Variants in ZNF385B observed in about 807,000 individuals in gnomAD.
ZNF385B encodes the protein zinc finger protein 533.
Under a neutral mutation model 39.2 loss-of-function variants are expected in ZNF385B, and 23 were observed. The ratio of observed to expected loss-of-function variants is 0.59; its 90% confidence interval spans 0.42 to 0.83. The LOEUF is 0.83. ZNF385B is among the 40% of genes least tolerant of loss of function. The pLI is 0.00. For synonymous variants in ZNF385B, 205 were observed against 222.6 expected (o/e 0.92, Z 0.70); for missense variants, 552 against 598.9 (o/e 0.92, Z 0.82).
chr2:179,736,828 G>C (rs1393754639), intron 3 of ZNF385B, among the ~76,000 whole-genome samples: 1 of 152,082 alleles, frequency 6.6e-6, no homozygotes. Flanking sequence ...AAATTAGCCA[G>C]GCATGGTGGT....
chr2:179,797,142 T>G (rs574169887), intron 1 of ZNF385B, among the ~76,000 whole-genome samples: 139 of 152,248 alleles, frequency 9.1e-4, no homozygotes, highest in African/African-American at 2.9e-3. Flanking sequence ...TAATACAACC[T>G]CTGAGGTCCA....
chr2:179,494,366 G>A (rs746059054), intron 5 of ZNF385B, among the ~76,000 whole-genome samples: 1 of 152,150 alleles, frequency 6.6e-6, no homozygotes, highest in African/African-American at 2.4e-5. Context: ...CCAACCATGT[G>A]TGTACAGTGG....
At chr2:179,722,600 T>A (rs1173177744) in intron 3 of ZNF385B, among the ~76,000 whole-genome samples, 2 of 152,100 alleles carry the variant, frequency 1.3e-5, no homozygotes, top group Non-Finnish European at 2.9e-5. Flanking sequence ...AATTCAAGAT[T>A]TAAAGCCAAA....
At chr2:179,489,565 C>T (rs1383558711) in intron 5 of ZNF385B, among the ~76,000 whole-genome samples, 1 of 152,088 alleles carries the variant, frequency 6.6e-6, no homozygotes, top group African/African-American at 2.4e-5. Context: ...TACTAAGAAA[C>T]TAAAGTTTTC....
intron 3 of ZNF385B, among the ~76,000 whole-genome samples, chr2:179,554,962 T>C (rs1418761404): frequency 2.0e-5 from 3 of 149,318 alleles, no homozygotes; most frequent in African/African-American, 7.6e-5. Context: ...GCTGAATATA[T>C]AAATACCCTA....
intron 3 of ZNF385B, among the ~76,000 whole-genome samples, chr2:179,760,223 C>CGCACGTGT (rs11282329): frequency 6.9e-6 from 1 of 144,476 alleles, no homozygotes; most frequent in East Asian, 2.0e-4. Flanking sequence ...TTCCTGTGTG[C>CGCACGTGT]GTGTGTGTGT....
At chr2:179,509,804 C>T (rs2105769892) in intron 5 of ZNF385B, among the ~76,000 whole-genome samples, 1 of 152,300 alleles carries the variant, frequency 6.6e-6, no homozygotes, top group South Asian at 2.1e-4. Flanking sequence ...TACTGCTGAA[C>T]AGCAGATGTA....
chr2:179,599,762 A>C (rs1245873504), intron 3 of ZNF385B, among the ~76,000 whole-genome samples: 2 of 152,228 alleles, frequency 1.3e-5, no homozygotes, highest in Admixed American at 1.3e-4. Flanking sequence ...AGAACCAAGC[A>C]GTCTCTTGAA....
At chr2:179,486,915 C>CA (rs201589980) in intron 5 of ZNF385B, among the ~76,000 whole-genome samples, 459 of 150,314 alleles carry the variant, frequency 3.1e-3, no homozygotes, top group Non-Finnish European at 5.0e-3. Flanking sequence ...GACTCCGTCT[C>CA]AAAAAAAACA....
chr2:179,696,743 A>T (rs1464660959), intron 3 of ZNF385B, among the ~76,000 whole-genome samples: 4 of 152,102 alleles, frequency 2.6e-5, no homozygotes, highest in African/African-American at 9.7e-5. Flanking sequence ...GAAGGAAGCT[A>T]TTTTCATATC....
chr2:179,830,841 T>C (rs758761237), intron 1 of ZNF385B, among the ~76,000 whole-genome samples: 20 of 152,160 alleles, frequency 1.3e-4, no homozygotes, highest in Non-Finnish European at 2.2e-4. Flanking sequence ...AGAGTGAACA[T>C]TAATGCAAAC....
chr2:179,635,657 T>C (rs995873642), intron 3 of ZNF385B, among the ~76,000 whole-genome samples: 3 of 152,174 alleles, frequency 2.0e-5, no homozygotes, highest in African/African-American at 7.2e-5. Flanking sequence ...GCTAGAAATA[T>C]AGAAATCACA....
chr2:179,607,995 A>C (rs1158938035), intron 3 of ZNF385B, among the ~76,000 whole-genome samples: 1 of 145,132 alleles, frequency 6.9e-6, no homozygotes, highest in Non-Finnish European at 1.5e-5. Flanking sequence ...GCTCACTGTA[A>C]TCTCTGCCTC....
chr2:179,830,886 G>A (rs373269240), intron 1 of ZNF385B, among the ~76,000 whole-genome samples: 8 of 152,140 alleles, frequency 5.3e-5, no homozygotes, highest in African/African-American at 1.4e-4. Flanking sequence ...CATCAACATT[G>A]TGTCAACAAC....
intron 2 of ZNF385B, 23 bp from the exon 3 acceptor site, chr2:179,769,825 G>T: frequency 3.2e-6 from 5 of 1,568,808 alleles, no homozygotes; most frequent in Non-Finnish European, 4.3e-6. Context: ...ACAAGTACAA[G>T]TGCTTCTGAA....
chr2:179,651,585 T>C (rs1177858681), intron 3 of ZNF385B, among the ~76,000 whole-genome samples: 2 of 151,752 alleles, frequency 1.3e-5, no homozygotes, highest in African/African-American at 4.9e-5. Flanking sequence ...GACTGTACAT[T>C]CTACAGTATA....
chr2:179,777,885 G>A (rs544819702), intron 1 of ZNF385B, among the ~76,000 whole-genome samples: 2 of 150,176 alleles, frequency 1.3e-5, no homozygotes. Context: ...CAATTCTCCC[G>A]CCTCAGCCTC....
intron 3 of ZNF385B, among the ~76,000 whole-genome samples, chr2:179,573,118 T>C (rs1283987637): frequency 1.3e-5 from 2 of 152,210 alleles, no homozygotes; most frequent in Non-Finnish European, 2.9e-5. Context: ...GTTAACCTAA[T>C]AAATGTTGAT....
chr2:179,729,784 A>G (rs754183571), intron 3 of ZNF385B, among the ~76,000 whole-genome samples: 2 of 152,132 alleles, frequency 1.3e-5, no homozygotes, highest in Non-Finnish European at 2.9e-5. Flanking sequence ...GGTTCCCCCA[A>G]GCTGTTTTCA....
Sources: allele counts gnomAD v4.1 joint callset (sites outside exome capture counted in the v4.1 genomes callset), GRCh38; gene constraint gnomAD v4.1.1; transcripts MANE v1.5; gene names NCBI Gene and HGNC (gene_info 2026-07-23, HGNC 2026-07-21).